Variants in PRDM5 observed in about 807,000 individuals in gnomAD.
PRDM5 encodes PR domain zinc finger protein 5.
Under a neutral mutation model 81.2 loss-of-function variants are expected in PRDM5, and 56 were observed. The ratio of observed to expected loss-of-function variants is 0.69; its 90% CI spans 0.56 to 0.86. The LOEUF is 0.86. Ranked by LOEUF, PRDM5 falls within the 40% of genes least tolerant of loss-of-function variation. PRDM5 has a pLI of 0.00. For missense variants in PRDM5, 697 were observed against 770.1 expected, an observed-to-expected ratio of 0.91 and a Z score of 1.12; for synonymous variants, 267 against 256.4, an observed-to-expected ratio of 1.04 and a Z score of -0.39.
At chr4:120,853,879 C>A (rs957279326) in intron 2 of PRDM5, among the ~76,000 whole-genome samples, 1 of 152,088 alleles carries the variant, frequency 6.6e-6, no homozygotes, top group Non-Finnish European at 1.5e-5. Flanking sequence ...ATTATTGCAA[C>A]CTTCCCCTTT....
chr4:120,856,109 T>TCAGTATTATTCAGTATTAGC (rs1168703326), intron 2 of PRDM5, among the ~76,000 whole-genome samples: 1 of 152,206 alleles, frequency 6.6e-6, no homozygotes, highest in African/African-American at 2.4e-5. Context: ...CCAACTATGT[T>TCAGTATTATTCAGTATTAGC]CAATTATTCA....
At position 120,694,905 on chromosome 4, in the gene PRDM5, A is replaced by AT. The variant is rs747723870; in HGVS notation, c.*205dup. The AT allele has an allele frequency of 6.2e-5, 36 of 582,682 alleles. No homozygotes were observed. Among genetic ancestry groups the AT allele is most frequent in the Non-Finnish European group, 8.1e-5 (27 of 332,246 alleles). 36.1% of individuals were successfully genotyped at this position (582,682 alleles called of 1,614,324 possible). A position where few individuals can be genotyped will look rare whatever the true frequency, so the allele number is the denominator to read the frequency against. ...GCATTTTGCAAGGCTATGGAGTTGT[A>AT]TTTTTTTTCCATTTATACCATTTCT... On this transcript the variant is annotated 3_prime_UTR_variant, in exon 16 of 16. Coordinates refer to ENST00000264808, the MANE Select transcript of PRDM5 (RefSeq NM_018699.4).
rs1350204431 is a variant in PRDM5 at position 120,742,497 on chromosome 4, T to C, written c.1623+12056A>G. ...AATTACTCTGAGCTACAGGAGGACATTCAAACCAAAGGCAAAGAAGTTGAA... is the reference window on the plus strand; with the variant it reads ...AATTACTCTGAGCTACAGGAGGACACTCAAACCAAAGGCAAAGAAGTTGAA... On this transcript the variant is annotated intron_variant, in intron 14 of 15. Coordinates refer to ENST00000264808, the MANE Select transcript of PRDM5 (RefSeq NM_018699.4). 3.9e-5 allele frequency among the ~76,000 whole-genome samples: 6 copies of C among 152,282 alleles called. No homozygotes were observed. The East Asian group carries it at 7.7e-4, about 20-fold the overall frequency.
intron 13 of PRDM5, among the ~76,000 whole-genome samples, chr4:120,767,492 T>C (rs557504486): frequency 1.3e-5 from 2 of 152,196 alleles, no homozygotes; most frequent in African/African-American, 4.8e-5. Flanking sequence ...TTGAATACTA[T>C]AAAAACAAAG....
At chr4:120,758,029 C>A (rs1242139407) in intron 13 of PRDM5, among the ~76,000 whole-genome samples, 1 of 152,080 alleles carries the variant, frequency 6.6e-6, no homozygotes, top group Non-Finnish European at 1.5e-5. Flanking sequence ...TCAACAAACC[C>A]CTGCTCCTGG....
At chr4:120,878,999 A>T (rs1762586909) in intron 2 of PRDM5, among the ~76,000 whole-genome samples, 1 of 152,170 alleles carries the variant, frequency 6.6e-6, no homozygotes, top group Non-Finnish European at 1.5e-5. Flanking sequence ...AAAACTAAAC[A>T]TACTCTTACC....
intron 3 of PRDM5, among the ~76,000 whole-genome samples, chr4:120,832,167 G>T (rs902436626): frequency 6.6e-6 from 1 of 152,128 alleles, no homozygotes; most frequent in African/African-American, 2.4e-5. Flanking sequence ...AAGGAAAGAG[G>T]TTTAATTAAC....
Position 120,873,213 on chromosome 4 carries a change from AG to A in PRDM5, c.178-19674del, listed in dbSNP as rs1762015242. On this transcript the variant is annotated intron_variant, in intron 2 of 15. Transcript: ENST00000264808. The stretch of plus-strand genomic sequence containing the variant: ...GAGGCAGGATTTCACCATGTTGGCC[AG>A]GCTGGTCTCGAACTCCTAACCTGAA... Among the ~76,000 whole-genome samples the A allele has an allele frequency of 2.0e-5, 3 of 152,112 alleles. No individual in the cohort carries two copies. In the South Asian group the frequency reaches 6.2e-4, roughly 32 times the overall value.
At chr4:120,794,980 T>C (rs1164941855) in intron 10 of PRDM5, among the ~76,000 whole-genome samples, 1 of 152,114 alleles carries the variant, frequency 6.6e-6, no homozygotes, top group Non-Finnish European at 1.5e-5. Context: ...TTTCAAGACC[T>C]ACACAGCAGT....
At chr4:120,738,880 G>A (rs1741499531) in intron 14 of PRDM5, among the ~76,000 whole-genome samples, 1 of 151,998 alleles carries the variant, frequency 6.6e-6, no homozygotes, top group Admixed American at 6.6e-5. Context: ...ATTGTTTATG[G>A]TTTAATATTT....
rs938917330 is a variant in PRDM5, at chr4:120,694,575, A to G, written c.*536T>C. 1 of 155,906 alleles carries G rather than the reference A, an allele frequency of 6.4e-6. No homozygotes were observed. The highest frequency in any genetic ancestry group is 1.4e-5 in the Non-Finnish European group (1 of 70,318). The allele number at this position is 155,906 out of a possible 1,614,324, so 9.7% of individuals were successfully genotyped here. ...TCTTGGTTTGTCTTATAAAATAGCA[A>G]CTATTTATTTTCCTATCAAACTTGA... is the stretch of plus-strand genomic sequence containing the variant. On this transcript the variant is annotated 3_prime_UTR_variant, in exon 16 of 16. Coordinates refer to ENST00000264808, the MANE Select transcript of PRDM5 (RefSeq NM_018699.4).
chr4:120,698,570 G>A (rs1268685584), intron 15 of PRDM5, among the ~76,000 whole-genome samples: 3 of 152,082 alleles, frequency 2.0e-5, no homozygotes, highest in Non-Finnish European at 2.9e-5. Flanking sequence ...AATATTTTTA[G>A]TCCAGTCCCC....
chr4:120,819,376 T>C (rs1284023220), intron 4 of PRDM5, among the ~76,000 whole-genome samples: 1 of 152,244 alleles, frequency 6.6e-6, no homozygotes, highest in East Asian at 1.9e-4. Flanking sequence ...TTTTGCTGTT[T>C]GTTTTTATTT....
intron 11 of PRDM5, among the ~76,000 whole-genome samples, chr4:120,781,541 T>A (rs1350509809): frequency 6.6e-6 from 1 of 152,174 alleles, no homozygotes; most frequent in Admixed American, 6.6e-5. Context: ...GGGGACTGAA[T>A]TAGCAGAATT....
At chr4:120,733,906 A>C (rs1295017139) in intron 14 of PRDM5, among the ~76,000 whole-genome samples, 41 of 151,956 alleles carry the variant, frequency 2.7e-4, no homozygotes, top group East Asian at 1.7e-3. Context: ...AAAAAAAAAA[A>C]ACAAAAAAAC....
chr4:120,795,683 T>C (rs2221813), intron 10 of PRDM5, among the ~76,000 whole-genome samples: 30,273 of 151,748 alleles, frequency 0.2, 3,676 homozygotes, highest in Non-Finnish European at 0.28. Flanking sequence ...GAGGCCGAGG[T>C]AGGCAGATTG....
Position 120,718,307 on chromosome 4 carries a change from C to G in PRDM5, c.1624-7894G>C, listed in dbSNP as rs1738096021. Among the ~76,000 whole-genome samples the G allele has an allele frequency of 2.0e-5, 3 of 152,316 alleles. No homozygotes were observed. The South Asian group carries it at 6.2e-4, about 32-fold the overall frequency. On this transcript the variant is annotated intron_variant, in intron 14 of 15. Transcript: ENST00000264808. ...GAAGACAGTCTTTGTCTCTCTCTCA[C>G]ACACACAGAAAGACATTTTAGGACT...
At chr4:120,786,641 G>A (rs12508015) in intron 10 of PRDM5, among the ~76,000 whole-genome samples, 1 of 152,030 alleles carries the variant, frequency 6.6e-6, no homozygotes, top group Admixed American at 6.6e-5. Context: ...AAATGTACTA[G>A]AAGAAAATCC....
At chr4:120,701,521 TC>T (rs750340637) in intron 15 of PRDM5, among the ~76,000 whole-genome samples, 1 of 152,178 alleles carries the variant, frequency 6.6e-6, no homozygotes, top group Non-Finnish European at 1.5e-5. Flanking sequence ...TGAAATCATG[TC>T]CTTTGTAGCA....
Sources: allele counts gnomAD v4.1 joint callset (sites outside exome capture counted in the v4.1 genomes callset), GRCh38; gene constraint gnomAD v4.1.1; transcripts MANE v1.5; gene names NCBI Gene and HGNC (gene_info 2026-07-23, HGNC 2026-07-21).